PTPN2: variants seen among roughly 807,000 people sequenced by gnomAD.
PTPN2 encodes the protein tyrosine-protein phosphatase non-receptor type 2.
In PTPN2, 19 loss-of-function variants were observed where a neutral mutation model predicts 57.3. The ratio of observed to expected loss-of-function variants is 0.33; its 90% confidence interval spans 0.23 to 0.49. PTPN2 has a LOEUF of 0.49. PTPN2 is among the 20% of genes least tolerant of loss of function. The pLI is 0.99. For missense variants in PTPN2, 358 were observed against 501.1 expected (o/e 0.71, Z 2.73); for synonymous variants, 153 against 164.9 (o/e 0.93, Z 0.55).
intron 1 of PTPN2, among the ~76,000 whole-genome samples, chr18:12,871,793 T>G (rs1048672776): frequency 6.6e-6 from 1 of 152,084 alleles, no homozygotes; most frequent in African/African-American, 2.4e-5. Flanking sequence ...TTGGCTCACA[T>G]GTATAATCCC....
intron 1 of PTPN2, among the ~76,000 whole-genome samples, chr18:12,870,343 ATATATATGTG>A (rs1420241637): frequency 1.7e-4 from 7 of 40,272 alleles, no homozygotes; most frequent in African/African-American, 4.5e-4. Flanking sequence ...ATATATATAC[ATATATATGTG>A]TATATATATG....
intron 2 of PTPN2, among the ~76,000 whole-genome samples, chr18:12,855,446 G>A (rs2043554564): frequency 6.6e-6 from 1 of 152,144 alleles, no homozygotes; most frequent in South Asian, 2.1e-4. Flanking sequence ...GATTCGGCTA[G>A]GACAGAGGGA....
chr18:12,833,159 G>A (rs556101794), intron 3 of PTPN2, among the ~76,000 whole-genome samples: 1 of 152,268 alleles, frequency 6.6e-6, no homozygotes, highest in Admixed American at 6.5e-5. Flanking sequence ...TGCTACCAAT[G>A]TTCTTCATCT....
intron 2 of PTPN2, among the ~76,000 whole-genome samples, chr18:12,840,310 C>T (rs2043001377): frequency 6.6e-6 from 1 of 152,200 alleles, no homozygotes; most frequent in Non-Finnish European, 1.5e-5. Context: ...AAATATTATG[C>T]ATTCTCTCTC....
chr18:12,865,421 C>A (rs2043956702), intron 1 of PTPN2, among the ~76,000 whole-genome samples: 2 of 146,178 alleles, frequency 1.4e-5, no homozygotes, highest in African/African-American at 5.1e-5. Flanking sequence ...GACAACAGAG[C>A]AAGACTCTGT....
chr18:12,848,598 G>T (rs2043291113), intron 2 of PTPN2, among the ~76,000 whole-genome samples: 1 of 152,244 alleles, frequency 6.6e-6, no homozygotes, highest in African/African-American at 2.4e-5. Context: ...GATGCCTTGT[G>T]TAGGTGTTCC....
intron 7 of PTPN2, among the ~76,000 whole-genome samples, chr18:12,803,393 A>G (rs1259817409): frequency 1.3e-5 from 2 of 152,192 alleles, no homozygotes; most frequent in Non-Finnish European, 2.9e-5. Context: ...TTATCTATCA[A>G]TAATACCCTT....
At position 12,863,162 on chromosome 18, in the gene PTPN2, T is replaced by C. The variant is rs79932895; in HGVS notation, c.70-3908A>G. On this transcript the variant is annotated intron_variant, in intron 1 of 8. Transcript: ENST00000309660. ...TAAAACCTTCCCCTTCTATCACAGA[T>C]TCCGAATGTTTCCTCTGGGCACAGT... 981 of 152,264 alleles carry C rather than the reference T, an allele frequency of 6.4e-3. 11 individuals are homozygous for C. The highest frequency in any genetic ancestry group is 0.022 in the African/African-American group (934 of 41,542). 9.4% of individuals were successfully genotyped at this position (152,264 alleles called of 1,614,324 possible).
At chr18:12,820,697 C>T (rs2042241656) in intron 5 of PTPN2, among the ~76,000 whole-genome samples, 1 of 152,194 alleles carries the variant, frequency 6.6e-6, no homozygotes, top group Admixed American at 6.5e-5. Flanking sequence ...GCTTCACCCC[C>T]CTCCCTACAC....
At chr18:12,817,959 G>T (rs1465713232) in intron 5 of PTPN2, among the ~76,000 whole-genome samples, 1 of 152,116 alleles carries the variant, frequency 6.6e-6, no homozygotes, top group East Asian at 1.9e-4. Context: ...TGGCCAACAT[G>T]GTGAAACCCC....
chr18:12,797,927 T>A (rs1375339550), intron 8 of PTPN2, among the ~76,000 whole-genome samples: 1 of 152,118 alleles, frequency 6.6e-6, no homozygotes, highest in Admixed American at 6.5e-5. Flanking sequence ...GGGTTTGCCA[T>A]GTTGCGCAGG....
In PTPN2 at chr18:12,793,226, T is replaced by A. The variant is rs2041036619; in HGVS notation, c.*1052A>T. On this transcript the variant is annotated 3_prime_UTR_variant, in exon 9 of 9. Transcript: ENST00000309660. Reference sequence around the variant, plus strand: ...TTAAACAGTTTGCTTTAAAAAATATTCATTAAGTTAAAATGACAATGTAAG... The same window carrying A: ...TTAAACAGTTTGCTTTAAAAAATATACATTAAGTTAAAATGACAATGTAAG... 4.2e-6 allele frequency: 3 copies of A among 715,830 alleles called. No homozygotes were observed. Among genetic ancestry groups the A allele is most frequent in the Non-Finnish European group, 5.0e-6 (3 of 598,908 alleles). The allele number at this position is 715,830 out of a possible 1,614,324, so 44.3% of individuals were successfully genotyped here.
intron 7 of PTPN2, among the ~76,000 whole-genome samples, chr18:12,813,428 T>C (rs2041964675): frequency 3.9e-5 from 6 of 152,360 alleles, no homozygotes; most frequent in Admixed American, 3.9e-4. Flanking sequence ...TTTAATGCTA[T>C]TTAAAGATTT....
At chr18:12,801,339 C>G (rs2041415299) in intron 8 of PTPN2, among the ~76,000 whole-genome samples, 1 of 151,818 alleles carries the variant, frequency 6.6e-6, no homozygotes, top group Admixed American at 6.6e-5. Context: ...ATGGTGAAAC[C>G]CTCTCTCTAC....
rs534293810 is a variant in PTPN2 at position 12,860,991 on chromosome 18, A to C, written c.70-1737T>G. On this transcript the variant is annotated intron_variant, in intron 1 of 8. Transcript: ENST00000309660. Reference sequence around the variant, plus strand: ...TTACATGTAAGAAAAAGCATTTTAAAAGTTAGGTGCCATTTTGTTTATTTG... The same window carrying C: ...TTACATGTAAGAAAAAGCATTTTAACAGTTAGGTGCCATTTTGTTTATTTG... 1.7e-3 allele frequency among the ~76,000 whole-genome samples: 255 copies of C among 152,298 alleles called. 1 individual carries two copies. Among genetic ancestry groups the C allele is most frequent in the African/African-American group, 5.8e-3 (242 of 41,574 alleles).
chr18:12,819,172 C>A, intron 5 of PTPN2: 1 of 909,240 alleles, frequency 1.1e-6, no homozygotes, highest in Non-Finnish European at 1.6e-6. Flanking sequence ...AGGTATAATA[C>A]TAATAAAATA....
At chr18:12,802,591 CAT>C (rs1354552175) in intron 7 of PTPN2, among the ~76,000 whole-genome samples, 2 of 152,110 alleles carry the variant, frequency 1.3e-5, no homozygotes, top group Non-Finnish European at 2.9e-5. Context: ...AAAAGTCAGA[CAT>C]AGAGAATTCT....
At chr18:12,829,513 A>T (rs1027032755) in intron 4 of PTPN2, among the ~76,000 whole-genome samples, 1 of 151,852 alleles carries the variant, frequency 6.6e-6, no homozygotes, top group African/African-American at 2.4e-5. Flanking sequence ...CCAAAAAAAA[A>T]AAAAAAAAAA....
intron 1 of PTPN2, among the ~76,000 whole-genome samples, chr18:12,881,333 A>T (rs1334596554): frequency 6.6e-6 from 1 of 152,190 alleles, no homozygotes; most frequent in East Asian, 1.9e-4. Flanking sequence ...ACTACGCAGG[A>T]GGCTGAGGTA....
Sources: gnomAD v4.1 joint callset for allele counts (sites outside exome capture counted in the v4.1 genomes callset) on GRCh38, gnomAD v4.1.1 for gene constraint, MANE v1.5 for transcripts, NCBI Gene and HGNC (gene_info 2026-07-23, HGNC 2026-07-21) for gene names.